CSMD1: variants seen among roughly 807,000 people sequenced by gnomAD.
The protein encoded by CSMD1 is CUB and Sushi multiple domains 1, also known as CUB and sushi domain-containing protein 1.
A neutral mutation model predicts 417.5 loss-of-function variants in CSMD1; 213 were observed. The ratio of observed to expected loss-of-function variants is 0.51; its 90% CI spans 0.46 to 0.57. The LOEUF (loss-of-function observed/expected upper bound fraction) is 0.57. CSMD1 is among the 20% of genes least tolerant of loss of function. The pLI is 0.00. For synonymous variants in CSMD1, 2,862 were observed against 1,736.8 expected, an observed-to-expected ratio of 1.65 and a Z score of -16.11; for missense variants, 6,923 against 4,529.7, an observed-to-expected ratio of 1.53 and a Z score of -15.17.
intron 5 of CSMD1, among the ~76,000 whole-genome samples, chr8:3,832,433 A>C (rs537678207): frequency 2.6e-5 from 4 of 152,316 alleles, no homozygotes; most frequent in African/African-American, 4.8e-5. Flanking sequence ...AATTGCCTTA[A>C]TTATAAAGCG....
intron 25 of CSMD1, among the ~76,000 whole-genome samples, chr8:3,303,312 A>G (rs1804558587): frequency 6.6e-6 from 1 of 152,108 alleles, no homozygotes; most frequent in African/African-American, 2.4e-5. Context: ...GAAATGGATT[A>G]ATATTCCTAG....
intron 19 of CSMD1, among the ~76,000 whole-genome samples, chr8:3,367,733 G>C (rs1177799490): frequency 6.6e-6 from 1 of 152,126 alleles, no homozygotes; most frequent in African/African-American, 2.4e-5. Context: ...TCAATATTGA[G>C]GAAATATGGA....
intron 3 of CSMD1, among the ~76,000 whole-genome samples, chr8:4,150,184 C>T (rs529988647): frequency 6.6e-6 from 1 of 152,328 alleles, no homozygotes; most frequent in South Asian, 2.1e-4. Context: ...TGTCCTGAGG[C>T]ATCTGTCTTG....
chr8:4,876,898 G>A (rs1002737028), intron 1 of CSMD1, among the ~76,000 whole-genome samples: 1 of 151,958 alleles, frequency 6.6e-6, no homozygotes, highest in Non-Finnish European at 1.5e-5. Flanking sequence ...AGAACACATT[G>A]ATTCAAGGAG....
chr8:4,173,684 A>C (rs576869447), intron 3 of CSMD1, among the ~76,000 whole-genome samples: 1 of 152,270 alleles, frequency 6.6e-6, no homozygotes, highest in South Asian at 2.1e-4. Context: ...GTAGTAGGAA[A>C]ATTTCTGAAT....
chr8:3,988,219 C>G (rs12676894), intron 5 of CSMD1, among the ~76,000 whole-genome samples: 1 of 151,978 alleles, frequency 6.6e-6, no homozygotes, highest in Admixed American at 6.6e-5. Context: ...AATCCTAAAT[C>G]TGAAACTCAA....
At chr8:4,112,523 C>T (rs574404356) in intron 3 of CSMD1, among the ~76,000 whole-genome samples, 1 of 152,294 alleles carries the variant, frequency 6.6e-6, no homozygotes, top group Non-Finnish European at 1.5e-5. Flanking sequence ...TTGGAAAAGA[C>T]ATCCCAAACT....
At chr8:3,494,338 T>A (rs1031350731) in intron 10 of CSMD1, among the ~76,000 whole-genome samples, 3 of 152,216 alleles carry the variant, frequency 2.0e-5, no homozygotes, top group Admixed American at 1.3e-4. Context: ...TTATAATCTA[T>A]TAACTTCTTT....
At chr8:3,298,093 G>T (rs76793179) in intron 25 of CSMD1, among the ~76,000 whole-genome samples, 12,767 of 152,142 alleles carry the variant, frequency 0.084, 674 homozygotes, top group Non-Finnish European at 0.12. Flanking sequence ...CCCATTGTTG[G>T]TTAGAAAGTG....
chr8:3,224,633 A>G (rs1190516079), intron 27 of CSMD1, among the ~76,000 whole-genome samples: 1 of 152,216 alleles, frequency 6.6e-6, no homozygotes, highest in East Asian at 1.9e-4. Context: ...ATATTATTAG[A>G]AAGAACCACT....
intron 7 of CSMD1, among the ~76,000 whole-genome samples, chr8:3,647,076 G>A (rs1446458315): frequency 3.9e-5 from 6 of 152,182 alleles, no homozygotes; most frequent in Non-Finnish European, 7.3e-5. Flanking sequence ...TTTGTGAAGT[G>A]GAGAGTCCAG....
chr8:3,107,682 G>T (rs756785159), intron 45 of CSMD1, 36 bp downstream of exon 45: 1 of 1,201,580 alleles, frequency 8.3e-7, no homozygotes, highest in Non-Finnish European at 1.2e-6. Flanking sequence ...AAAATGTCGT[G>T]CTGAATTCAT....
Position 4,801,042 on chromosome 8 carries a change from C to T in CSMD1, c.86-163484G>A, listed in dbSNP as rs557035299. Among the ~76,000 whole-genome samples, 11 of 152,006 alleles carry T rather than the reference C, an allele frequency of 7.2e-5. No individual in the cohort carries two copies. The South Asian group carries it at 1.9e-3, about 26-fold the overall frequency. On this transcript the variant is annotated intron_variant, in intron 1 of 69. Transcript: ENST00000635120. The stretch of plus-strand genomic sequence containing the variant: ...AATATCTTGGATTCACCATTTAATA[C>T]GTAAAAAGTAAAAGGGAAAAAAACC...
intron 4 of CSMD1, among the ~76,000 whole-genome samples, chr8:4,023,577 T>C (rs1009523691): frequency 1.5e-5 from 2 of 136,962 alleles, no homozygotes; most frequent in Admixed American, 8.2e-5. Flanking sequence ...GCTTACTGCT[T>C]TTCAACTTTT....
intron 32 of CSMD1, 66 bp from the exon 33 acceptor site, chr8:3,199,875 A>C: frequency 3.3e-6 from 3 of 914,546 alleles, no homozygotes. Flanking sequence ...AGTATTTTGG[A>C]AAATGGTGAT....
chr8:3,627,205 C>T (rs545475873), intron 7 of CSMD1, among the ~76,000 whole-genome samples: 178 of 152,178 alleles, frequency 1.2e-3, no homozygotes, highest in Admixed American at 4.8e-3. Flanking sequence ...ATTTTGCAGA[C>T]GCAAAATTGA....
chr8:3,158,736 G>A (rs1234153659), intron 38 of CSMD1, among the ~76,000 whole-genome samples: 1 of 151,932 alleles, frequency 6.6e-6, no homozygotes, highest in Non-Finnish European at 1.5e-5. Context: ...ACCTCTGTGT[G>A]CGGCCTATTT....
chr8:4,004,354 A>G (rs1815939131), intron 4 of CSMD1, among the ~76,000 whole-genome samples: 3 of 151,990 alleles, frequency 2.0e-5, no homozygotes, highest in Admixed American at 2.0e-4. Flanking sequence ...TATATCCACA[A>G]ACAATATATT....
chr8:3,463,659 C>A (rs1816641808), intron 12 of CSMD1, among the ~76,000 whole-genome samples: 1 of 152,188 alleles, frequency 6.6e-6, no homozygotes, highest in Admixed American at 6.5e-5. Flanking sequence ...GCCGTCATTG[C>A]ACTTGGACGC....
Sources: gnomAD v4.1 joint callset for allele counts (sites outside exome capture counted in the v4.1 genomes callset) on GRCh38, gnomAD v4.1.1 for gene constraint, MANE v1.5 for transcripts, NCBI Gene and HGNC (gene_info 2026-07-23, HGNC 2026-07-21) for gene names.